The following TNIK variants were observed in gnomAD, a reference collection of about 807,000 sequenced individuals.
The protein encoded by TNIK is TRAF2 and NCK interacting kinase.
A neutral mutation model predicts 191.3 loss-of-function variants in TNIK; 49 were observed. The ratio of observed to expected loss-of-function variants is 0.26; its 90% confidence interval spans 0.20 to 0.32. The LOEUF (loss-of-function observed/expected upper bound fraction) is 0.32, where lower values mean the gene tolerates loss of function less well. Ranked by LOEUF, TNIK falls within the 10% of genes least tolerant of loss-of-function variation. TNIK has a pLI of 1.00. For synonymous variants in TNIK, 594 were observed against 600.9 expected (o/e 0.99, Z 0.17); for missense variants, 1,155 against 1,702.3 (o/e 0.68, Z 5.66).
chr3:171,092,196 C>T (rs376397602), intron 23 of TNIK, among the ~76,000 whole-genome samples: 20 of 152,246 alleles, frequency 1.3e-4, no homozygotes, highest in African/African-American at 4.8e-4. Context: ...GATCCTCCCA[C>T]CTCGGCCTCC....
In TNIK at chr3:171,270,467, G is replaced by A. The variant is rs79546285; in HGVS notation, c.124-42246C>T. Among the ~76,000 whole-genome samples the A allele has an allele frequency of 1.4e-4, 21 of 152,230 alleles. 1 individual carries two copies. The East Asian group carries it at 4.1e-3, about 29-fold the overall frequency. On this transcript the variant is annotated intron_variant, in intron 2 of 32. Transcript: ENST00000436636. ...GAAAGAGGCCAGAGAGAAAATGCCT[G>A]GTGACTTCTCCAAAAATACCCACAT...
intron 1 of TNIK, among the ~76,000 whole-genome samples, chr3:171,393,708 G>A (rs1423700744): frequency 6.6e-6 from 1 of 152,154 alleles, no homozygotes; most frequent in Non-Finnish European, 1.5e-5. Context: ...AGCCTTCAAG[G>A]AACACAGTAA....
intron 2 of TNIK, among the ~76,000 whole-genome samples, chr3:171,234,871 G>A (rs1031843441): frequency 1.3e-5 from 2 of 152,182 alleles, no homozygotes; most frequent in African/African-American, 4.8e-5. Flanking sequence ...AGACGAGCCA[G>A]CCTCTGGGCC....
intron 1 of TNIK, among the ~76,000 whole-genome samples, chr3:171,413,170 A>C (rs2108608942): frequency 6.6e-6 from 1 of 152,342 alleles, no homozygotes; most frequent in South Asian, 2.1e-4. Flanking sequence ...ATGCGCATAC[A>C]TATTTTTACT....
chr3:171,446,534 G>C (rs1193341833), intron 1 of TNIK, among the ~76,000 whole-genome samples: 1 of 152,200 alleles, frequency 6.6e-6, no homozygotes, highest in Non-Finnish European at 1.5e-5. Context: ...CCATAAAGTT[G>C]TGTCAATTTT....
chr3:171,314,303 C>T (rs560191217), intron 2 of TNIK, among the ~76,000 whole-genome samples: 8 of 152,264 alleles, frequency 5.3e-5, no homozygotes, highest in African/African-American at 1.4e-4. Flanking sequence ...TCTGGCCTTC[C>T]CCCTCTGCCT....
At chr3:171,234,497 CT>C (rs1232443272) in intron 2 of TNIK, among the ~76,000 whole-genome samples, 1 of 152,178 alleles carries the variant, frequency 6.6e-6, no homozygotes, top group Non-Finnish European at 1.5e-5. Context: ...CTGTGAATTC[CT>C]TTGCTTGGCA....
chr3:171,202,665 C>T (rs1739559954), intron 4 of TNIK, among the ~76,000 whole-genome samples: 1 of 152,174 alleles, frequency 6.6e-6, no homozygotes, highest in Non-Finnish European at 1.5e-5. Context: ...AAGAATCACC[C>T]ATTAATTCAT....
intron 1 of TNIK, among the ~76,000 whole-genome samples, chr3:171,454,657 GA>G (rs58257060): frequency 0.099 from 15,028 of 152,176 alleles, 820 homozygotes; most frequent in South Asian, 0.14. Flanking sequence ...TAGTATCTCT[GA>G]AAAATAAAAA....
intron 1 of TNIK, among the ~76,000 whole-genome samples, chr3:171,402,746 T>C (rs907342934): frequency 1.3e-5 from 2 of 152,224 alleles, no homozygotes; most frequent in Non-Finnish European, 2.9e-5. Flanking sequence ...TTTTTCTATG[T>C]TATTTATTAG....
chr3:171,111,721 T>C (rs116503092), intron 18 of TNIK, among the ~76,000 whole-genome samples: 1 of 152,332 alleles, frequency 6.6e-6, no homozygotes, highest in Non-Finnish European at 1.5e-5. Context: ...CCATGCTCAG[T>C]GCAGCACTAT....
At position 171,126,048 on chromosome 3, in the gene TNIK, A is replaced by G. The variant is rs773963966; in HGVS notation, c.1877T>C (p.Leu626Pro). 1 of 1,613,816 alleles carries G rather than the reference A, an allele frequency of 6.2e-7. No individual in the cohort carries two copies. The highest frequency in any genetic ancestry group is 8.5e-7 in the Non-Finnish European group (1 of 1,179,792). The change falls in exon 17 of 33, where the codon CTG (leucine) becomes CCG (proline). Residue 626 changes from leucine (L) to proline (P), a missense_variant. This residue lies in a region of TNIK where 735 missense variants were observed against 848.0 expected (regional missense o/e 0.87). Transcript: ENST00000436636. Reference protein sequence around the residue: ...TKGLSGFQEALNVTSHRVEMP... With the variant: ...TKGLSGFQEAPNVTSHRVEMP... ...CTCCACGCGGTGGGAGGTCACGTTCAGAGCCTCCTGAAACCCAGAGAGGCC... is the reference window on the plus strand; with the variant it reads ...CTCCACGCGGTGGGAGGTCACGTTCGGAGCCTCCTGAAACCCAGAGAGGCC...
chr3:171,191,513 CA>C (rs1290953202), intron 5 of TNIK, among the ~76,000 whole-genome samples: 6 of 152,218 alleles, frequency 3.9e-5, no homozygotes, highest in Non-Finnish European at 8.8e-5. Context: ...GCTGGGAATC[CA>C]GGTGTGAGCC....
intron 2 of TNIK, among the ~76,000 whole-genome samples, chr3:171,275,629 A>C (rs982930584): frequency 7.2e-5 from 11 of 152,244 alleles, no homozygotes; most frequent in African/African-American, 2.6e-4. Flanking sequence ...ATATAAAAAG[A>C]GGAAAATCTG....
chr3:171,252,834 T>C (rs992998162), intron 2 of TNIK, among the ~76,000 whole-genome samples: 1 of 151,956 alleles, frequency 6.6e-6, no homozygotes, highest in Non-Finnish European at 1.5e-5. Flanking sequence ...TTGAAGAACA[T>C]AAAAATAAAC....
chr3:171,336,953 C>G (rs926799790), intron 2 of TNIK, among the ~76,000 whole-genome samples: 44 of 152,172 alleles, frequency 2.9e-4, no homozygotes, highest in African/African-American at 9.7e-4. Flanking sequence ...GGATGAGAAA[C>G]ACAAGAGCTC....
intron 21 of TNIK, among the ~76,000 whole-genome samples, chr3:171,104,337 T>C (rs948769175): frequency 7.2e-5 from 11 of 152,158 alleles, no homozygotes; most frequent in African/African-American, 2.7e-4. Context: ...TTTTATTCTT[T>C]GACAATACAA....
chr3:171,068,187 A>C (rs1576888047), intron 30 of TNIK, among the ~76,000 whole-genome samples: 1 of 152,080 alleles, frequency 6.6e-6, no homozygotes, highest in East Asian at 1.9e-4. Context: ...TAGTAATATG[A>C]ATATTTTAGG....
At chr3:171,275,772 C>A (rs1340041761) in intron 2 of TNIK, among the ~76,000 whole-genome samples, 7 of 151,996 alleles carry the variant, frequency 4.6e-5, no homozygotes, top group Non-Finnish European at 1.0e-4. Flanking sequence ...TGGTGGGTGC[C>A]TGTAGTCCCA....
Sources: gnomAD v4.1 joint callset for allele counts (sites outside exome capture counted in the v4.1 genomes callset) on GRCh38, gnomAD v4.1.1 for gene constraint, gnomAD v4.1.1 regional missense constraint, MANE v1.5 for transcripts, NCBI Gene and HGNC (gene_info 2026-07-23, HGNC 2026-07-21) for gene names.